PCBP3: variants seen among roughly 807,000 people sequenced by gnomAD.
PCBP3 encodes the protein poly(rC)-binding protein 3.
PCBP3 carries 25 observed loss-of-function variants against 52.7 expected under a neutral mutation model. The ratio of observed to expected loss-of-function variants is 0.47; its 90% confidence interval spans 0.35 to 0.66. The LOEUF (loss-of-function observed/expected upper bound fraction) is 0.66, where lower values mean the gene tolerates loss of function less well. Among genes scored for constraint, PCBP3 ranks in the 30% least tolerant of loss-of-function variants. The probability of loss-of-function intolerance (pLI) is 0.01; values close to 1 mark genes in which losing one functional copy is unlikely to be tolerated. For synonymous variants in PCBP3, 162 were observed against 183.0 expected, an observed-to-expected ratio of 0.89 and a Z score of 0.93; for missense variants, 391 against 490.3, an observed-to-expected ratio of 0.80 and a Z score of 1.91.
At chr21:45,854,296 T>C (rs1389713904) in intron 5 of PCBP3, among the ~76,000 whole-genome samples, 1 of 152,218 alleles carries the variant, frequency 6.6e-6, no homozygotes, top group Non-Finnish European at 1.5e-5. Context: ...GTACATAACA[T>C]AGAATTTTCC....
At chr21:45,902,292 GCCTGGCCTC>G (rs2096077614) in intron 9 of PCBP3, among the ~76,000 whole-genome samples, 1 of 70,348 alleles carries the variant, frequency 1.4e-5, no homozygotes, top group African/African-American at 1.0e-4. Flanking sequence ...ATCGTAGGTG[GCCTGGCCTC>G]CAAGGCTGGA....
chr21:45,678,284 C>A (rs1053863220), intron 2 of PCBP3, among the ~76,000 whole-genome samples: 2 of 148,362 alleles, frequency 1.3e-5, no homozygotes, highest in Admixed American at 6.8e-5. Context: ...CTAGCCTGGG[C>A]GACAGAGCGA....
chr21:45,843,458 TTC>T (rs1342047724), intron 4 of PCBP3, among the ~76,000 whole-genome samples: 1 of 152,220 alleles, frequency 6.6e-6, no homozygotes, highest in African/African-American at 2.4e-5. Flanking sequence ...TGTGGATACT[TTC>T]TGTTCTTTTT....
intron 4 of PCBP3, among the ~76,000 whole-genome samples, chr21:45,801,540 C>T (rs2092305219): frequency 6.6e-6 from 1 of 152,238 alleles, no homozygotes; most frequent in Admixed American, 6.5e-5. Context: ...ATGCCATGCC[C>T]ACAGCGTCTG....
intron 4 of PCBP3, among the ~76,000 whole-genome samples, chr21:45,834,520 C>T (rs145430921): frequency 9.4e-4 from 143 of 152,302 alleles, no homozygotes; most frequent in African/African-American, 3.2e-3. Flanking sequence ...TCCCCGTGCC[C>T]GCCAAAGAGG....
At position 45,917,475 on chromosome 21, in the gene PCBP3, A is replaced by G. The variant is rs775512761; in HGVS notation, c.676-113A>G. On this transcript the variant is annotated intron_variant, in intron 12 of 17. Coordinates refer to ENST00000681687, the MANE Select transcript of PCBP3 (RefSeq NM_001384156.1). This position sits in a 1 kb window ranked among gnomAD's most constrained non-coding sequence, Gnocchi z 5.3. Reference sequence around the variant, plus strand: ...CTAGGATGGGGACAGGTGGAGAGGCACACGAGGGGGAAGCTTCTACCGGAG... The same window carrying G: ...CTAGGATGGGGACAGGTGGAGAGGCGCACGAGGGGGAAGCTTCTACCGGAG... 1 of 784,194 alleles carries G rather than the reference A, an allele frequency of 1.3e-6. No homozygotes were observed. The highest frequency in any genetic ancestry group is 2.2e-6 in the Non-Finnish European group (1 of 459,202). 48.6% of individuals were successfully genotyped at this position (784,194 alleles called of 1,614,324 possible).
At chr21:45,703,027 A>G (rs1010192079) in intron 2 of PCBP3, among the ~76,000 whole-genome samples, 16 of 152,058 alleles carry the variant, frequency 1.1e-4, no homozygotes, top group Non-Finnish European at 2.1e-4. Context: ...CTCCTTATCC[A>G]TTCAAGTTTG....
intron 5 of PCBP3, among the ~76,000 whole-genome samples, chr21:45,857,232 G>T (rs1490129919): frequency 2.0e-5 from 3 of 152,216 alleles, no homozygotes; most frequent in African/African-American, 4.8e-5. Flanking sequence ...AAAGAAACAT[G>T]TTTTGGGGTA....
chr21:45,831,564 C>A (rs1603446757), intron 4 of PCBP3, among the ~76,000 whole-genome samples: 1 of 152,132 alleles, frequency 6.6e-6, no homozygotes, highest in Non-Finnish European at 1.5e-5. Flanking sequence ...GCTTTTCAAC[C>A]TGAATTGTGC....
In PCBP3 at chr21:45,900,772, A is replaced by G. The variant is rs796317008; in HGVS notation, c.222+149A>G. ...GTGCGGGGCCTCTTTTCCCCTACTC[A>G]GGCCTCCTGTGCTCCCCTGTGGGGA... On this transcript the variant is annotated intron_variant, in intron 8 of 17. Coordinates refer to ENST00000681687, the MANE Select transcript of PCBP3 (RefSeq NM_001384156.1). 11 of 713,188 alleles carry G rather than the reference A, an allele frequency of 1.5e-5. No individual in the cohort carries two copies. The African/African-American group carries it at 1.8e-4, about 11-fold the overall frequency. 44.2% of individuals were successfully genotyped at this position (713,188 alleles called of 1,614,324 possible).
chr21:45,737,050 A>C lies in PCBP3; in HGVS notation c.-162+1621A>C, dbSNP rs1219015612. On this transcript the variant is annotated intron_variant, in intron 3 of 17. Transcript: ENST00000681687. The surrounding 1 kb of genome is among the most constrained non-coding windows in gnomAD (Gnocchi z 4.9). ...GCAGGGCCAAGGGGGTTTGGAGCAG[A>C]AGCTCGGGTCTGACATGCCTGGTGC... is the stretch of plus-strand genomic sequence containing the variant. 6.6e-6 allele frequency among the ~76,000 whole-genome samples: 1 copy of C among 152,054 alleles called. No homozygotes were observed. The highest frequency in any genetic ancestry group is 1.5e-5 in the Non-Finnish European group (1 of 67,988).
In PCBP3 at chr21:45,917,888, C is replaced by T. The variant is rs911572445; in HGVS notation, c.717+259C>T. On this transcript the variant is annotated intron_variant, in intron 13 of 17. Transcript: ENST00000681687. The surrounding 1 kb of genome is among the most constrained non-coding windows in gnomAD (Gnocchi z 5.3). ...CAGTCCTGGGTTTTCCTCCCTCCCA[C>T]GGGGCCTGGGAGGGAACTGAGACGG... 5.9e-6 allele frequency: 3 copies of T among 509,164 alleles called. No homozygotes were observed. Among genetic ancestry groups the T allele is most frequent in the Non-Finnish European group, 1.1e-5 (3 of 272,542 alleles). The allele number at this position is 509,164 out of a possible 1,614,324, so 31.5% of individuals were successfully genotyped here. A position where few individuals can be genotyped will look rare whatever the true frequency, so the allele number is the denominator to read the frequency against.
intron 2 of PCBP3, among the ~76,000 whole-genome samples, chr21:45,701,105 T>G (rs938029092): frequency 1.3e-5 from 2 of 152,234 alleles, no homozygotes; most frequent in Non-Finnish European, 2.9e-5. Flanking sequence ...GATATCAATT[T>G]CTAAAATTAT....
At chr21:45,672,620 T>C (rs1174076813) in intron 2 of PCBP3, among the ~76,000 whole-genome samples, 4 of 152,186 alleles carry the variant, frequency 2.6e-5, no homozygotes, top group African/African-American at 9.7e-5. Context: ...TGCTTTCTTA[T>C]GCATGTGTCT....
At position 45,744,489 on chromosome 21, in the gene PCBP3, G is replaced by T. The variant is rs150240604; in HGVS notation, c.-162+9060G>T. Among the ~76,000 whole-genome samples, 267 of 152,244 alleles carry T rather than the reference G, an allele frequency of 1.8e-3. 2 individuals carry two copies. Among genetic ancestry groups the T allele is most frequent in the Non-Finnish European group, 2.6e-3 (180 of 68,028 alleles). On this transcript the variant is annotated intron_variant, in intron 3 of 17. Coordinates refer to ENST00000681687, the MANE Select transcript of PCBP3 (RefSeq NM_001384156.1). ...TAGGATTACAGGTGTAGGCCACCAT[G>T]CCGGGCCTAGTTTTTCAGTCATTTT...
intron 2 of PCBP3, among the ~76,000 whole-genome samples, chr21:45,685,024 C>T (rs555865002): frequency 6.6e-6 from 1 of 152,290 alleles, no homozygotes; most frequent in African/African-American, 2.4e-5. Flanking sequence ...GACTGTCTAC[C>T]ATATCAGCTT....
At chr21:45,875,082 CG>C (rs1556014626) in intron 5 of PCBP3, among the ~76,000 whole-genome samples, 2 of 152,288 alleles carry the variant, frequency 1.3e-5, no homozygotes, top group Non-Finnish European at 1.5e-5. Flanking sequence ...TCGCCCCTGA[CG>C]CGGCACCTTC....
chr21:45,932,782 A>G (rs1413694818), intron 15 of PCBP3, among the ~76,000 whole-genome samples: 21 of 124,658 alleles, frequency 1.7e-4, no homozygotes, highest in East Asian at 5.6e-4. Context: ...TGAACACATC[A>G]GCCATGCCGT....
chr21:45,806,830 C>T (rs1821065657), intron 4 of PCBP3, among the ~76,000 whole-genome samples: 1 of 152,168 alleles, frequency 6.6e-6, no homozygotes, highest in African/African-American at 2.4e-5. Context: ...GCACTGGGCT[C>T]TGCCCTCTCC....
Sources: gnomAD v4.1 joint callset for allele counts (sites outside exome capture counted in the v4.1 genomes callset) on GRCh38, gnomAD v4.1.1 for gene constraint, Gnocchi (gnomAD v3.1) non-coding constraint, MANE v1.5 for transcripts, NCBI Gene and HGNC (gene_info 2026-07-23, HGNC 2026-07-21) for gene names.